The following LYPD1 variants were observed in gnomAD, a reference collection of about 807,000 sequenced individuals.
LYPD1 encodes the protein LY6/PLAUR domain containing 1.
A neutral mutation model predicts 14.2 loss-of-function variants in LYPD1; 14 were observed. The ratio of observed to expected loss-of-function variants is 0.99; its 90% confidence interval spans 0.65 to 1.54. The LOEUF is 1.54. LYPD1 is among the 40% of genes most tolerant of loss of function. The probability of loss-of-function intolerance (pLI) is 0.00; values close to 1 mark genes in which losing one functional copy is unlikely to be tolerated. For missense variants in LYPD1, 165 were observed against 175.7 expected (o/e 0.94, Z 0.34); for synonymous variants, 85 against 70.6 (o/e 1.20, Z -1.02).
In LYPD1 at chr2:132,669,582, A is replaced by G. The variant is rs1683513445; in HGVS notation, c.52+299T>C. Among the ~76,000 whole-genome samples the G allele has an allele frequency of 1.3e-5, 2 of 152,030 alleles. No individual in the cohort carries two copies. The highest frequency in any genetic ancestry group is 1.3e-4 in the Admixed American group (2 of 15,270). On this transcript the variant is annotated intron_variant, in intron 1 of 2. Coordinates refer to ENST00000397463, the MANE Select transcript of LYPD1 (RefSeq NM_144586.7). The surrounding 1 kb of genome is among the most constrained non-coding windows in gnomAD (Gnocchi z 4.3). ...AGATGTCGCCCCCTCTCCCTCGCCC[A>G]GAACCCAGCACCGCTCGGACCCTCC...
intron 1 of LYPD1, 78 bp from the exon 2 acceptor site, chr2:132,668,615 A>T: frequency 1.3e-6 from 2 of 1,556,022 alleles, no homozygotes; most frequent in Non-Finnish European, 1.7e-6. Context: ...CCCACGCCTC[A>T]GAGCCAGGCG....
At position 132,645,089 on chromosome 2, in the gene LYPD1, G is replaced by A. The variant is rs372232546; in HGVS notation, c.*956C>T. ...TTTTCTCTGTCTCTCCCTCCTGCTC[G>A]TGTCTGCCCAGGGCTGATTGTTGTG... On this transcript the variant is annotated 3_prime_UTR_variant, in exon 3 of 3. Transcript: ENST00000397463. 3.5e-5 allele frequency: 56 copies of A among 1,600,178 alleles called. No homozygotes were observed. Among genetic ancestry groups the A allele is most frequent in the East Asian group, 4.5e-5 (2 of 44,670 alleles).
At chr2:132,666,276 T>C (rs1683265928) in intron 2 of LYPD1, among the ~76,000 whole-genome samples, 1 of 152,208 alleles carries the variant, frequency 6.6e-6, no homozygotes, top group African/African-American at 2.4e-5. Context: ...GACATAAAAA[T>C]GGAAGTGCTT....
rs1366966242 is a variant in LYPD1 at position 132,646,162 on chromosome 2, G to A, written c.309C>T (p.Thr103=). The A allele has an allele frequency of 1.9e-6, 3 of 1,611,854 alleles. No homozygotes were observed. Residue 103 remains threonine (T), a synonymous_variant, in exon 3 of 3, where the codon ACC becomes ACT. Coordinates refer to ENST00000397463, the MANE Select transcript of LYPD1 (RefSeq NM_144586.7). ...LNSVCISCCN[T]PLCNGPRPKK... Reference sequence around the variant, plus strand: ...TGGGCCTTGGCCCGTTACAAAGAGGGGTGTTGCAGCAGCTGATGCAAACTG... The same window carrying A: ...TGGGCCTTGGCCCGTTACAAAGAGGAGTGTTGCAGCAGCTGATGCAAACTG...
At position 132,669,912 on chromosome 2, in the gene LYPD1, C is replaced by T. The variant is rs774039435; in HGVS notation, c.21G>A (p.Ala7=). The T allele has an allele frequency of 1.2e-6, 2 of 1,612,884 alleles. No individual in the cohort carries two copies. The highest frequency in any genetic ancestry group is 2.2e-5 in the East Asian group (1 of 44,724). Residue 7 remains alanine (A), a synonymous_variant, in exon 1 of 3, where the codon GCG becomes GCA. Transcript: ENST00000397463. The surrounding 1 kb of genome is among the most constrained non-coding windows in gnomAD (Gnocchi z 4.3). MWVLGI[A]ATFCGLFLLP... ...GCAAGAACAATCCGCAAAAAGTTGC[C>T]GCGATGCCTAGGACCCACATTCTCC...
At chr2:132,663,736 G>T (rs976450264) in intron 2 of LYPD1, among the ~76,000 whole-genome samples, 1 of 152,172 alleles carries the variant, frequency 6.6e-6, no homozygotes, top group Admixed American at 6.5e-5. Context: ...CAGATGGGAT[G>T]TCTAAAAGAG....
Position 132,645,269 on chromosome 2 carries a change from T to C in LYPD1, c.*776A>G, listed in dbSNP as rs951231144. ...TACCTCAGCTCGGTCATCAACCCGC[T>C]CCTGTACACGGTGTCCTCGCAGCAG... On this transcript the variant is annotated 3_prime_UTR_variant, in exon 3 of 3. Transcript: ENST00000397463. The C allele has an allele frequency of 1.2e-6, 2 of 1,614,052 alleles. No homozygotes were observed. Among genetic ancestry groups the C allele is most frequent in the Admixed American group, 1.7e-5 (1 of 60,010 alleles).
intron 2 of LYPD1, among the ~76,000 whole-genome samples, chr2:132,649,432 G>T (rs1682268330): frequency 6.6e-6 from 1 of 152,176 alleles, no homozygotes; most frequent in Non-Finnish European, 1.5e-5. Flanking sequence ...GATAAAGAAA[G>T]AAAAGCTTTC....
chr2:132,649,325 T>G (rs540919405), intron 2 of LYPD1, among the ~76,000 whole-genome samples: 2 of 152,148 alleles, frequency 1.3e-5, no homozygotes, highest in African/African-American at 4.8e-5. Flanking sequence ...GGGATGGGGC[T>G]GAGTGGTGAG....
chr2:132,655,444 ATTTGTCCCAG>A (rs1405022556), intron 2 of LYPD1, among the ~76,000 whole-genome samples: 9 of 150,232 alleles, frequency 6.0e-5, no homozygotes, highest in Admixed American at 2.0e-4. Flanking sequence ...AGTAGGTGCC[ATTTGTCCCAG>A]TTTGCACAGT....
At chr2:132,652,819 G>A (rs759769052) in intron 2 of LYPD1, among the ~76,000 whole-genome samples, 1 of 152,178 alleles carries the variant, frequency 6.6e-6, no homozygotes, top group Admixed American at 6.5e-5. Context: ...GTGGCTATGC[G>A]TGCTTGCTTT....
upstream of LYPD1, among the ~76,000 whole-genome samples, chr2:132,670,656 G>A (rs2104935895): frequency 6.6e-6 from 1 of 152,234 alleles, no homozygotes; most frequent in East Asian, 1.9e-4. The surrounding 1 kb of genome is among the most constrained non-coding windows in gnomAD (Gnocchi z 4.5). Flanking sequence ...GGAGCCTGGC[G>A]CCCCGGGAGG....
At chr2:132,654,391 C>A (rs6430371) in intron 2 of LYPD1, among the ~76,000 whole-genome samples, 10,391 of 109,622 alleles carry the variant, frequency 0.095, 1,210 homozygotes, top group African/African-American at 0.33. Flanking sequence ...CAGAGTGAGA[C>A]CCTGTCTCAA....
At chr2:132,647,171 C>T (rs1383460989) in intron 2 of LYPD1, among the ~76,000 whole-genome samples, 1 of 152,194 alleles carries the variant, frequency 6.6e-6, no homozygotes, top group Non-Finnish European at 1.5e-5. Context: ...TCTTCACTAC[C>T]CCAAGCAATC....
intron 2 of LYPD1, among the ~76,000 whole-genome samples, chr2:132,652,109 GA>G (rs1222681819): frequency 6.6e-6 from 1 of 152,126 alleles, no homozygotes; most frequent in East Asian, 1.9e-4. Context: ...ACAGAGGGGG[GA>G]CATCGTTTGG....
At chr2:132,655,092 A>T (rs989401085) in intron 2 of LYPD1, among the ~76,000 whole-genome samples, 1 of 152,082 alleles carries the variant, frequency 6.6e-6, no homozygotes, top group South Asian at 2.1e-4. Flanking sequence ...TCTGATTGGT[A>T]AATTTGGAAA....
rs1558870761 is a variant in LYPD1 at position 132,645,321 on chromosome 2, G to GTGC, written c.*721_*723dup. 2 of 1,614,190 alleles carry GTGC rather than the reference G, an allele frequency of 1.2e-6. No homozygotes were observed. Among genetic ancestry groups the GTGC allele is most frequent in the Non-Finnish European group, 8.5e-7 (1 of 1,180,036 alleles). On this transcript the variant is annotated 3_prime_UTR_variant, in exon 3 of 3. Coordinates refer to ENST00000397463, the MANE Select transcript of LYPD1 (RefSeq NM_144586.7). Reference sequence around the variant, plus strand: ...TTCGGCGGGTGTTCGTGCAGGTGCTGTGCTGCCGCCTGTCGCTGCAGCACG... The same window carrying GTGC: ...TTCGGCGGGTGTTCGTGCAGGTGCTGTGCTGCTGCCGCCTGTCGCTGCAGCACG...
At chr2:132,664,451 AAT>A (rs1290346960) in intron 2 of LYPD1, among the ~76,000 whole-genome samples, 2 of 152,240 alleles carry the variant, frequency 1.3e-5, no homozygotes, top group Non-Finnish European at 2.9e-5. Context: ...CCAAAAGGAA[AAT>A]AGCCATTACT....
At position 132,645,704 on chromosome 2, in the gene LYPD1, G is replaced by A. The variant is rs1458647991; in HGVS notation, c.*341C>T. 13 of 1,471,250 alleles carry A rather than the reference G, an allele frequency of 8.8e-6. No individual in the cohort carries two copies. The highest frequency in any genetic ancestry group is 1.1e-5 in the Non-Finnish European group (12 of 1,097,576). The allele number at this position is 1,471,250 out of a possible 1,614,324, so 91.1% of individuals were successfully genotyped here. The stretch of plus-strand genomic sequence containing the variant: ...CTCAAACTATGCCCCCATCAGGGAT[G>A]GAATGGACACTGGAGGCTTTACAAA... On this transcript the variant is annotated 3_prime_UTR_variant, in exon 3 of 3. Transcript: ENST00000397463.
Sources: gnomAD v4.1 joint callset for allele counts (sites outside exome capture counted in the v4.1 genomes callset) on GRCh38, gnomAD v4.1.1 for gene constraint, Gnocchi (gnomAD v3.1) non-coding constraint, MANE v1.5 for transcripts, NCBI Gene and HGNC (gene_info 2026-07-23, HGNC 2026-07-21) for gene names.